The following PLCE1 variants were observed in gnomAD, a reference collection of about 807,000 sequenced individuals.
PLCE1 encodes the protein phospholipase C epsilon 1.
PLCE1 carries 119 observed loss-of-function variants against 242.8 expected under a neutral mutation model. The ratio of observed to expected loss-of-function variants is 0.49; its 90% CI spans 0.42 to 0.57. The LOEUF (loss-of-function observed/expected upper bound fraction) is 0.57, where lower values mean the gene tolerates loss of function less well. Ranked by LOEUF, PLCE1 falls within the 20% of genes least tolerant of loss-of-function variation. The pLI is 0.00. For missense variants in PLCE1, 2,441 were observed against 2,788.8 expected, an observed-to-expected ratio of 0.88 and a Z score of 2.81; for synonymous variants, 945 against 1,017.4, an observed-to-expected ratio of 0.93 and a Z score of 1.35.
chr10:94,210,059 T>C (rs1381324073), intron 4 of PLCE1, among the ~76,000 whole-genome samples: 2 of 152,152 alleles, frequency 1.3e-5, no homozygotes, highest in East Asian at 3.8e-4. Flanking sequence ...TAGTACAGAA[T>C]ATTTGTCCAG....
chr10:94,215,634 C>G (rs1316773678), intron 4 of PLCE1, among the ~76,000 whole-genome samples: 5 of 152,104 alleles, frequency 3.3e-5, no homozygotes, highest in African/African-American at 1.2e-4. Context: ...TAAGAATGTC[C>G]AGTTCATTCT....
intron 27 of PLCE1, among the ~76,000 whole-genome samples, chr10:94,309,706 C>G (rs367734585): frequency 1.3e-5 from 2 of 152,178 alleles, no homozygotes; most frequent in Non-Finnish European, 2.9e-5. Context: ...ACACTTGGAC[C>G]ATGGCCCCCT....
chr10:94,086,418 T>C (rs1413913730), intron 2 of PLCE1, among the ~76,000 whole-genome samples: 3 of 152,218 alleles, frequency 2.0e-5, no homozygotes, highest in East Asian at 1.9e-4. Flanking sequence ...TAAAGATGGA[T>C]ATTTATGACC....
intron 25 of PLCE1, among the ~76,000 whole-genome samples, chr10:94,305,833 T>G (rs7099334): frequency 3.4e-3 from 516 of 152,338 alleles, no homozygotes; most frequent in African/African-American, 0.012. Flanking sequence ...TCTTCTCTTG[T>G]GAGAAATTTA....
chr10:94,232,896 T>C (rs189179435), intron 5 of PLCE1, among the ~76,000 whole-genome samples: 1 of 152,272 alleles, frequency 6.6e-6, no homozygotes, highest in Middle Eastern at 3.4e-3. Flanking sequence ...GCAAGAGTCA[T>C]GCACCAGTTC....
chr10:94,208,690 C>T (rs1217013727), intron 4 of PLCE1, among the ~76,000 whole-genome samples: 1 of 152,224 alleles, frequency 6.6e-6, no homozygotes, highest in East Asian at 1.9e-4. Flanking sequence ...CAGATTCCTA[C>T]TCCCCTCCCC....
rs1282534937 is a variant in PLCE1, at chr10:94,279,879, A to G, written c.4763A>G (p.Glu1588Gly). Residue 1588 changes from glutamate to glycine, a missense_variant, in exon 20 of 33, where the codon GAA becomes GGA. By Grantham distance (98) the Glu-to-Gly change is moderately conservative. Coordinates refer to ENST00000371380, the MANE Select transcript of PLCE1 (RefSeq NM_016341.4). Reference sequence around the variant, plus strand: ...GAGGAAGAGGAAGATGAGGAGGACGAATATGATTATGACTATGAATCCCTT... The same window carrying G: ...GAGGAAGAGGAAGATGAGGAGGACGGATATGATTATGACTATGAATCCCTT... Reference protein sequence around the residue: ...NNEEEEDEEDEYDYDYESLSD... With the variant: ...NNEEEEDEEDGYDYDYESLSD... 6.2e-7 allele frequency: 1 copy of G among 1,613,690 alleles called. No individual in the cohort carries two copies. The highest frequency in any genetic ancestry group is 8.5e-7 in the Non-Finnish European group (1 of 1,179,768).
chr10:94,126,305 A>T (rs2046434677), intron 2 of PLCE1, among the ~76,000 whole-genome samples: 1 of 152,228 alleles, frequency 6.6e-6, no homozygotes, highest in Non-Finnish European at 1.5e-5. Flanking sequence ...TATAAAGCCT[A>T]CATCTCTAAA....
chr10:94,170,760 T>A (rs1191185306), intron 3 of PLCE1, among the ~76,000 whole-genome samples: 1 of 152,200 alleles, frequency 6.6e-6, no homozygotes, highest in Non-Finnish European at 1.5e-5. Context: ...ATATACATAT[T>A]CTTCACCACA....
chr10:94,125,620 A>G (rs2046416298), intron 2 of PLCE1, among the ~76,000 whole-genome samples: 1 of 152,102 alleles, frequency 6.6e-6, no homozygotes, highest in Non-Finnish European at 1.5e-5. Context: ...ATCACATCTC[A>G]CTACTCAGGG....
intron 1 of PLCE1, among the ~76,000 whole-genome samples, chr10:93,998,369 T>C (rs1199002279): frequency 1.3e-5 from 2 of 152,150 alleles, no homozygotes; most frequent in African/African-American, 4.8e-5. Context: ...AGGGGGCATG[T>C]ATACCTCTTG....
chr10:94,116,684 G>A (rs371746751), intron 2 of PLCE1, among the ~76,000 whole-genome samples: 1 of 151,968 alleles, frequency 6.6e-6, no homozygotes, highest in Non-Finnish European at 1.5e-5. Flanking sequence ...GAAAGAGTGA[G>A]ACTCTGTCTC....
At chr10:94,010,352 C>A (rs2134260918) in intron 1 of PLCE1, among the ~76,000 whole-genome samples, 1 of 152,308 alleles carries the variant, frequency 6.6e-6, no homozygotes, top group Non-Finnish European at 1.5e-5. Flanking sequence ...TCTGAGCCTG[C>A]AATGGGAGGG....
At chr10:94,076,852 G>A (rs1015708795) in intron 2 of PLCE1, among the ~76,000 whole-genome samples, 1 of 149,454 alleles carries the variant, frequency 6.7e-6, no homozygotes, top group African/African-American at 2.6e-5. Flanking sequence ...GACTCCTCCC[G>A]TCCCACCCGT....
chr10:94,163,218 C>T (rs1044197011), intron 3 of PLCE1, among the ~76,000 whole-genome samples: 5 of 152,072 alleles, frequency 3.3e-5, no homozygotes, highest in Non-Finnish European at 5.9e-5. Flanking sequence ...CCTTGTTAAC[C>T]TTCTGTCTCA....
At chr10:94,049,374 T>A (rs2043699368) in intron 2 of PLCE1, among the ~76,000 whole-genome samples, 1 of 152,194 alleles carries the variant, frequency 6.6e-6, no homozygotes, top group African/African-American at 2.4e-5. Context: ...CCATTGTCAT[T>A]TTCTGTGTCA....
intron 30 of PLCE1, among the ~76,000 whole-genome samples, chr10:94,322,741 T>A (rs1409775530): frequency 6.6e-6 from 1 of 150,780 alleles, no homozygotes; most frequent in Non-Finnish European, 1.5e-5. Context: ...GCCGAGATCA[T>A]GCCATTGCGC....
At chr10:93,997,632 CTTTTTTTTTTTT>C (rs34338995) in intron 1 of PLCE1, among the ~76,000 whole-genome samples, 3 of 79,872 alleles carry the variant, frequency 3.8e-5, no homozygotes, top group African/African-American at 1.7e-4. Flanking sequence ...AATAACCATC[CTTTTTTTTTTTT>C]TTTTTTTTTT....
rs554331540 is a variant in PLCE1 at position 94,132,455 on chromosome 10, G to A, written c.1488G>A (p.Leu496=). 6.2e-7 allele frequency: 1 copy of A among 1,613,742 alleles called. No homozygotes were observed. Among genetic ancestry groups the A allele is most frequent in the African/African-American group, 1.3e-5 (1 of 75,054 alleles). The change falls in exon 3 of 33, where the codon CTG becomes CTA. Residue 496 remains leucine, a synonymous_variant. Transcript: ENST00000371380. ...TFGGSTGRMM[L]KERQPGPSVA... is the part of the protein sequence containing the mutation. The stretch of plus-strand genomic sequence containing the variant: ...GAGGATCCACTGGACGAATGATGCT[G>A]AAAGGTAATGCCTGAAATTTCACTT...
Sources: allele counts gnomAD v4.1 joint callset (sites outside exome capture counted in the v4.1 genomes callset), GRCh38; gene constraint gnomAD v4.1.1; transcripts MANE v1.5; gene names NCBI Gene and HGNC (gene_info 2026-07-23, HGNC 2026-07-21).